The following CNTNAP2 variants were observed in gnomAD, a reference collection of about 807,000 sequenced individuals.
CNTNAP2 encodes the protein contactin associated protein 2.
In CNTNAP2, 98 loss-of-function variants were observed where a neutral mutation model predicts 155.2. The observed-to-expected ratio is 0.63, with a 90% confidence interval of 0.54 to 0.75. The LOEUF (loss-of-function observed/expected upper bound fraction) is 0.75, where lower values mean the gene tolerates loss of function less well. CNTNAP2 is among the 30% of genes least tolerant of loss of function. The probability of loss-of-function intolerance (pLI) is 0.00; values close to 1 mark genes in which losing one functional copy is unlikely to be tolerated. For missense variants in CNTNAP2, 1,727 were observed against 1,688.1 expected, an observed-to-expected ratio of 1.02 and a Z score of -0.40; for synonymous variants, 651 against 631.2, an observed-to-expected ratio of 1.03 and a Z score of -0.47.
chr7:148,283,396 T>C (rs1242313694), intron 21 of CNTNAP2, among the ~76,000 whole-genome samples: 1 of 152,154 alleles, frequency 6.6e-6, no homozygotes, highest in African/African-American at 2.4e-5. Flanking sequence ...GAATTTCTTA[T>C]TTATATACAG....
intron 19 of CNTNAP2, among the ~76,000 whole-genome samples, chr7:148,223,820 GA>G (rs941594399): frequency 1.5e-4 from 23 of 151,604 alleles, no homozygotes; most frequent in African/African-American, 5.6e-4. Context: ...GGACAGAAAA[GA>G]AAAAAAAGAG....
intron 1 of CNTNAP2, among the ~76,000 whole-genome samples, chr7:146,332,246 A>G (rs961375513): frequency 3.3e-5 from 5 of 152,022 alleles, no homozygotes; most frequent in African/African-American, 1.2e-4. Flanking sequence ...TTTATAATCG[A>G]ATGCATATTT....
At chr7:146,758,352 T>C (rs1411325266) in intron 1 of CNTNAP2, among the ~76,000 whole-genome samples, 1 of 152,180 alleles carries the variant, frequency 6.6e-6, no homozygotes, top group African/African-American at 2.4e-5. Flanking sequence ...CACTCCTGGC[T>C]GTGTGAACAT....
chr7:148,224,240 G>A (rs1037029274), intron 19 of CNTNAP2, among the ~76,000 whole-genome samples: 1 of 152,068 alleles, frequency 6.6e-6, no homozygotes, highest in African/African-American at 2.4e-5. Flanking sequence ...GACAATCAAC[G>A]TGTTTTTTCT....
chr7:148,392,533 T>C (rs904590570), intron 22 of CNTNAP2, among the ~76,000 whole-genome samples: 2 of 152,186 alleles, frequency 1.3e-5, no homozygotes, highest in African/African-American at 2.4e-5. Context: ...AACCTTAAGT[T>C]ATCTGGTTCT....
chr7:148,305,069 A>G (rs1035817688), intron 21 of CNTNAP2, among the ~76,000 whole-genome samples: 1 of 149,652 alleles, frequency 6.7e-6, no homozygotes, highest in African/African-American at 2.5e-5. Flanking sequence ...AAAAAAAAAA[A>G]GACATTAACT....
At chr7:148,301,306 A>AAATATATATATATATATATATATATATAT in intron 21 of CNTNAP2, among the ~76,000 whole-genome samples, 3 of 103,870 alleles carry the variant, frequency 2.9e-5, no homozygotes, top group Non-Finnish European at 1.9e-5. Flanking sequence ...AAAAAAAAAA[A>AAATATATATATATATATATATATATATAT]ATATATATAT....
chr7:146,828,667 T>C (rs1353536416), intron 2 of CNTNAP2, among the ~76,000 whole-genome samples: 4 of 152,084 alleles, frequency 2.6e-5, no homozygotes, highest in Admixed American at 6.6e-5. Context: ...TATTTTCTCT[T>C]GGCCACAGTA....
At chr7:147,905,034 C>T (rs970682688) in intron 14 of CNTNAP2, among the ~76,000 whole-genome samples, 7 of 152,140 alleles carry the variant, frequency 4.6e-5, no homozygotes, top group Non-Finnish European at 2.9e-5. Context: ...ATCATCCAAT[C>T]AGTCATTCAT....
intron 1 of CNTNAP2, among the ~76,000 whole-genome samples, chr7:146,660,577 A>G (rs1800069625): frequency 6.6e-6 from 1 of 152,224 alleles, no homozygotes; most frequent in Non-Finnish European, 1.5e-5. Context: ...CAATGTGCCT[A>G]CTTCACACTG....
chr7:147,357,290 G>T (rs1796079936), intron 9 of CNTNAP2, among the ~76,000 whole-genome samples: 1 of 152,104 alleles, frequency 6.6e-6, no homozygotes, highest in African/African-American at 2.4e-5. Flanking sequence ...CTGTGCTCCT[G>T]CATCTAGACT....
At chr7:146,624,573 G>A (rs1220965346) in intron 1 of CNTNAP2, among the ~76,000 whole-genome samples, 1 of 151,784 alleles carries the variant, frequency 6.6e-6, no homozygotes, top group Non-Finnish European at 1.5e-5. Context: ...TATTTTACTG[G>A]TTTTCTACTC....
rs551354197 is a variant in CNTNAP2 at position 148,072,037 on chromosome 7, TCA to T, written c.2384-46080_2384-46079del. ...ATCATGTAAACAATTATCTTTCTTT[TCA>T]GGTGGCAATAATTCATGGCATCTCC... On this transcript the variant is annotated intron_variant, in intron 15 of 23. Transcript: ENST00000361727. 1.1e-3 allele frequency among the ~76,000 whole-genome samples: 161 copies of T among 152,326 alleles called. 1 individual carries two copies. The highest frequency in any genetic ancestry group is 3.4e-3 in the African/African-American group (140 of 41,572).
intron 21 of CNTNAP2, among the ~76,000 whole-genome samples, chr7:148,271,122 T>C (rs980749165): frequency 1.3e-5 from 2 of 152,270 alleles, no homozygotes; most frequent in African/African-American, 4.8e-5. Context: ...CCATTTTTGA[T>C]GCTAGCTACA....
chr7:147,145,204 A>G (rs568493121), intron 8 of CNTNAP2, among the ~76,000 whole-genome samples: 1 of 152,188 alleles, frequency 6.6e-6, no homozygotes, highest in African/African-American at 2.4e-5. Context: ...AACCATGACA[A>G]ATAATGCAGG....
intron 1 of CNTNAP2, among the ~76,000 whole-genome samples, chr7:146,596,631 G>GAGAGAA: frequency 6.7e-6 from 1 of 148,874 alleles, no homozygotes; most frequent in East Asian, 2.0e-4. Flanking sequence ...GAGAGAGAGA[G>GAGAGAA]AGAGAGAGAA....
At chr7:146,143,308 C>A (rs1013679124) in intron 1 of CNTNAP2, among the ~76,000 whole-genome samples, 2 of 152,120 alleles carry the variant, frequency 1.3e-5, no homozygotes, top group African/African-American at 4.8e-5. Flanking sequence ...CTTCTGAAGT[C>A]GCAAGTGAGC....
chr7:146,487,153 A>AT (rs1172005998), intron 1 of CNTNAP2, among the ~76,000 whole-genome samples: 2 of 152,152 alleles, frequency 1.3e-5, no homozygotes, highest in Non-Finnish European at 2.9e-5. Context: ...TCATTGATTC[A>AT]TTTTTTCCAT....
intron 18 of CNTNAP2, among the ~76,000 whole-genome samples, chr7:148,191,463 C>T (rs1462757843): frequency 2.6e-5 from 4 of 152,188 alleles, no homozygotes; most frequent in Non-Finnish European, 4.4e-5. Flanking sequence ...TCTGTGATAG[C>T]AGCGCCAAAT....
Sources: allele counts gnomAD v4.1 joint callset (sites outside exome capture counted in the v4.1 genomes callset), GRCh38; gene constraint gnomAD v4.1.1; transcripts MANE v1.5; gene names NCBI Gene and HGNC (gene_info 2026-07-23, HGNC 2026-07-21).